Variants in CCDC83 observed in about 807,000 individuals in gnomAD.
CCDC83 encodes coiled-coil domain-containing protein 83.
Under a neutral mutation model 50.1 loss-of-function variants are expected in CCDC83, and 54 were observed. The ratio of observed to expected loss-of-function variants is 1.08; its 90% CI spans 0.87 to 1.35. CCDC83 has a LOEUF of 1.35. Among genes scored for constraint, CCDC83 ranks in the 40% most tolerant of loss-of-function variants. The pLI, the probability that CCDC83 is intolerant of heterozygous loss-of-function variation, is 0.00. For synonymous variants in CCDC83, 161 were observed against 153.3 expected, an observed-to-expected ratio of 1.05 and a Z score of -0.37; for missense variants, 518 against 473.9, an observed-to-expected ratio of 1.09 and a Z score of -0.86.
chr11:85,856,978 A>G (rs991196010), intron 1 of CCDC83, among the ~76,000 whole-genome samples: 2 of 152,222 alleles, frequency 1.3e-5, no homozygotes, highest in Admixed American at 6.5e-5. Flanking sequence ...GTAGCCACAA[A>G]ACGAATAAAC....
intron 6 of CCDC83, among the ~76,000 whole-genome samples, chr11:85,895,928 G>A (rs949464700): frequency 3.3e-5 from 5 of 152,064 alleles, no homozygotes; most frequent in East Asian, 1.9e-4. Flanking sequence ...ATCCTCTCAC[G>A]TCAGCCTCCT....
intron 5 of CCDC83, among the ~76,000 whole-genome samples, chr11:85,888,120 T>TC (rs1377676058): frequency 1.3e-5 from 2 of 152,226 alleles, no homozygotes; most frequent in African/African-American, 4.8e-5. Flanking sequence ...ACATGTCTCA[T>TC]TTTCCTATGA....
intron 8 of CCDC83, among the ~76,000 whole-genome samples, chr11:85,913,490 A>G (rs144922107): frequency 2.0e-5 from 3 of 152,350 alleles, no homozygotes; most frequent in Non-Finnish European, 4.4e-5. Flanking sequence ...GGAATATTAC[A>G]CATATTATAT....
intron 7 of CCDC83, 51 bp from the exon 8 acceptor site, chr11:85,911,230 A>C (rs781035221): frequency 7.1e-7 from 1 of 1,404,294 alleles, no homozygotes; most frequent in African/African-American, 1.5e-5. Context: ...AGAAAACTTA[A>C]TAGAACTGAA....
At chr11:85,913,293 C>T (rs1214534764) in intron 8 of CCDC83, among the ~76,000 whole-genome samples, 1 of 152,174 alleles carries the variant, frequency 6.6e-6, no homozygotes, top group East Asian at 1.9e-4. Flanking sequence ...CTTTTGATTA[C>T]TTATTTAATG....
chr11:85,917,804 T>A (rs1426882808), intron 10 of CCDC83: 1 of 152,212 alleles, frequency 6.6e-6, no homozygotes, highest in Admixed American at 6.5e-5. Flanking sequence ...TCCATGCGTA[T>A]CTTGGAATCA....
At chr11:85,908,098 C>T (rs2093433512) in intron 7 of CCDC83, among the ~76,000 whole-genome samples, 1 of 152,112 alleles carries the variant, frequency 6.6e-6, no homozygotes, top group African/African-American at 2.4e-5. Flanking sequence ...TGGACTTAAA[C>T]GGTTTTACTA....
intron 10 of CCDC83, 98 bp downstream of exon 10, chr11:85,916,331 A>G: frequency 1.1e-6 from 1 of 919,878 alleles, no homozygotes; most frequent in South Asian, 1.4e-5. Flanking sequence ...TGGATATTGA[A>G]AATTCCATTT....
chr11:85,888,210 T>C (rs2093335949), intron 5 of CCDC83, among the ~76,000 whole-genome samples: 1 of 152,240 alleles, frequency 6.6e-6, no homozygotes, highest in Non-Finnish European at 1.5e-5. Flanking sequence ...TATTTTACTG[T>C]GATAAATGTG....
At chr11:85,859,118 T>C (rs1354656313) in intron 1 of CCDC83, among the ~76,000 whole-genome samples, 1 of 29,686 alleles carries the variant, frequency 3.4e-5, no homozygotes. Context: ...TAAAAAAAAA[T>C]AAAAAGCAGG....
intron 7 of CCDC83, among the ~76,000 whole-genome samples, chr11:85,907,500 A>G (rs796805553): frequency 3.3e-4 from 50 of 152,334 alleles, no homozygotes; most frequent in African/African-American, 1.0e-3. Context: ...TCAAGAACAT[A>G]TATTTTAATC....
intron 2 of CCDC83, among the ~76,000 whole-genome samples, chr11:85,870,961 T>G (rs1346046932): frequency 4.6e-5 from 7 of 151,854 alleles, no homozygotes; most frequent in African/African-American, 1.5e-4. Flanking sequence ...GAGACCAGGA[T>G]TTCAAGACCA....
chr11:85,893,558 C>G (rs913471743), intron 5 of CCDC83, among the ~76,000 whole-genome samples: 2 of 152,362 alleles, frequency 1.3e-5, no homozygotes, highest in South Asian at 2.1e-4. Flanking sequence ...CAAGATTAGT[C>G]TGTGGCCTGT....
At chr11:85,908,596 TAGATAGATAGATAGAC>T (rs1228892953) in intron 7 of CCDC83, among the ~76,000 whole-genome samples, 1,573 of 137,898 alleles carry the variant, frequency 0.011, 20 homozygotes, top group South Asian at 0.017. Context: ...GATAGATAGA[TAGATAGATAGATAGAC>T]AGATAGAATT....
intron 3 of CCDC83, among the ~76,000 whole-genome samples, chr11:85,881,942 A>C (rs1038574860): frequency 1.3e-5 from 2 of 152,062 alleles, no homozygotes; most frequent in Non-Finnish European, 2.9e-5. Flanking sequence ...AAATTTGGGA[A>C]GTTTCCAGCC....
intron 5 of CCDC83, among the ~76,000 whole-genome samples, chr11:85,888,070 G>A (rs2093335391): frequency 6.6e-6 from 1 of 152,058 alleles, no homozygotes; most frequent in African/African-American, 2.4e-5. Flanking sequence ...TGTTTCTAGT[G>A]TTTTAGTATT....
chr11:85,859,762 C>T (rs2093164499), intron 1 of CCDC83, among the ~76,000 whole-genome samples: 1 of 152,076 alleles, frequency 6.6e-6, no homozygotes, highest in South Asian at 2.1e-4. Context: ...TTGGCCTTGG[C>T]AAAGAATTTA....
chr11:85,898,704 T>C (rs188890433), intron 6 of CCDC83, among the ~76,000 whole-genome samples: 31 of 152,312 alleles, frequency 2.0e-4, no homozygotes, highest in African/African-American at 6.3e-4. Flanking sequence ...TGGAGGTGAA[T>C]TGAATGGTCA....
At chr11:85,859,180 ACCCCTAGG>A (rs2093161010) in intron 1 of CCDC83, among the ~76,000 whole-genome samples, 15 of 109,836 alleles carry the variant, frequency 1.4e-4, no homozygotes, top group South Asian at 4.8e-4. Flanking sequence ...AAAAAAAAAA[ACCCCTAGG>A]AATACAGCTT....
Sources: gnomAD v4.1 joint callset for allele counts (sites outside exome capture counted in the v4.1 genomes callset) on GRCh38, gnomAD v4.1.1 for gene constraint, MANE v1.5 for transcripts, NCBI Gene and HGNC (gene_info 2026-07-23, HGNC 2026-07-21) for gene names.